The following SPATS2L variants were observed in gnomAD, a reference collection of about 807,000 sequenced individuals.
SPATS2L encodes spermatogenesis associated serine rich 2 like.
SPATS2L carries 30 observed loss-of-function variants against 59.6 expected under a neutral mutation model. That is an observed-to-expected ratio of 0.50 (90% CI 0.38 to 0.68). The LOEUF (loss-of-function observed/expected upper bound fraction) is 0.68. SPATS2L is among the 30% of genes least tolerant of loss of function. The pLI, the probability that SPATS2L is intolerant of heterozygous loss-of-function variation, is 0.00. For synonymous variants in SPATS2L, 252 were observed against 263.5 expected, an observed-to-expected ratio of 0.96 and a Z score of 0.42; for missense variants, 615 against 700.0, an observed-to-expected ratio of 0.88 and a Z score of 1.37.
intron 2 of SPATS2L, among the ~76,000 whole-genome samples, chr2:200,340,897 T>C (rs2080302589): frequency 2.0e-5 from 3 of 152,236 alleles, no homozygotes; most frequent in Admixed American, 2.0e-4. Context: ...GTGTTTTCTT[T>C]TATCATGTAT....
chr2:200,320,654 G>A (rs2079532610), intron 1 of SPATS2L, among the ~76,000 whole-genome samples: 1 of 152,150 alleles, frequency 6.6e-6, no homozygotes. Flanking sequence ...TGATGGCATT[G>A]TGTCACTAAT....
chr2:200,391,972 C>T (rs937312215), intron 3 of SPATS2L, among the ~76,000 whole-genome samples: 3 of 152,100 alleles, frequency 2.0e-5, no homozygotes, highest in East Asian at 1.9e-4. Flanking sequence ...TCTTAAAAAT[C>T]GATGCAAAAT....
intron 3 of SPATS2L, among the ~76,000 whole-genome samples, chr2:200,391,659 C>A (rs1464319556): frequency 6.6e-6 from 1 of 152,154 alleles, no homozygotes; most frequent in Admixed American, 6.5e-5. Context: ...AGCGACTGTG[C>A]TACATATTTT....
At chr2:200,329,394 A>G in intron 1 of SPATS2L, 37 bp from the exon 2 acceptor site, 1 of 1,535,530 alleles carries the variant, frequency 6.5e-7, no homozygotes, top group Admixed American at 2.0e-5. Context: ...TACTAATTTG[A>G]GACCTGCCTG....
rs1345064988 is a variant in SPATS2L at position 200,419,441 on chromosome 2, T to C, written c.390T>C (p.Arg130=). 1.2e-6 allele frequency: 2 copies of C among 1,613,730 alleles called. No homozygotes were observed. Among genetic ancestry groups the C allele is most frequent in the African/African-American group, 1.3e-5 (1 of 74,920 alleles). ...ACGAAAAACCAGCCCTTATCCCTCGTGAGAAAAAGATCTCGATACTTGAGG... is the reference window on the plus strand; with the variant it reads ...ACGAAAAACCAGCCCTTATCCCTCGCGAGAAAAAGATCTCGATACTTGAGG... ...SANEKPALIP[R]EKKISILEEP... is the part of the protein sequence containing the mutation. The change falls in exon 6 of 13, where the codon CGT becomes CGC. Residue 130 remains arginine (R), a synonymous_variant. Transcript: ENST00000409140.
intron 2 of SPATS2L, among the ~76,000 whole-genome samples, chr2:200,348,467 A>G (rs956671507): frequency 3.3e-5 from 5 of 152,204 alleles, no homozygotes; most frequent in Admixed American, 1.3e-4. Context: ...CAGAAGGGCC[A>G]ATCTTGTCAA....
At chr2:200,306,073 G>A (rs181081951), upstream of SPATS2L, 334 of 985,514 alleles carry the variant, frequency 3.4e-4, no homozygotes, top group African/African-American at 5.6e-3. Flanking sequence ...GACCCGCAGC[G>A]CAGAGGAGGC....
In SPATS2L at chr2:200,328,895, T is replaced by A. The variant is rs948318604; in HGVS notation, c.-72-536T>A. Among the ~76,000 whole-genome samples the A allele has an allele frequency of 3.3e-5, 5 of 152,332 alleles. 1 individual carries two copies. Among genetic ancestry groups the A allele is most frequent in the Admixed American group, 1.3e-4 (2 of 15,296 alleles). On this transcript the variant is annotated intron_variant, in intron 1 of 12. Transcript: ENST00000409140. ...AGAGGATTATAACAAGAACAATAGC[T>A]AACATTAAATTGGACAAGATATTTT... is the stretch of plus-strand genomic sequence containing the variant.
chr2:200,305,929 C>G (rs2079001317), upstream of SPATS2L: 1 of 424,792 alleles, frequency 2.4e-6, no homozygotes, highest in Non-Finnish European at 3.1e-6. Context: ...TAAAGTGCTT[C>G]CATCATGAAT....
At chr2:200,475,592 G>A (rs572316759) in intron 12 of SPATS2L, among the ~76,000 whole-genome samples, 4 of 152,290 alleles carry the variant, frequency 2.6e-5, no homozygotes, top group Non-Finnish European at 5.9e-5. Context: ...GGGTGACTTT[G>A]AATAGAATGG....
In SPATS2L at chr2:200,477,908, G is replaced by A. The variant is rs540953425; in HGVS notation, c.1554G>A (p.Ser518=). 26 of 1,612,048 alleles carry A rather than the reference G, an allele frequency of 1.6e-5. No homozygotes were observed. The South Asian group carries it at 1.8e-4, about 11-fold the overall frequency. The part of the protein sequence containing the change: ...PRRRQHAADT[S]EARPFRGSVG... ...GAAGGCAGCACGCTGCAGACACCTC[G>A]GAGGCCAGGCCCTTCCGGGGTAGTG... The change falls in exon 13 of 13, where the codon TCG becomes TCA. Residue 518 remains serine (S), a synonymous_variant. Transcript: ENST00000409140.
intron 3 of SPATS2L, among the ~76,000 whole-genome samples, chr2:200,396,011 G>GGAAA (rs1466614581): frequency 9.4e-5 from 1 of 10,600 alleles, no homozygotes; most frequent in Admixed American, 2.5e-3. Flanking sequence ...ACTCGATCTG[G>GGAAA]AAAAAAAAAA....
intron 6 of SPATS2L, among the ~76,000 whole-genome samples, chr2:200,428,917 A>C (rs2083740035): frequency 6.6e-6 from 1 of 152,048 alleles, no homozygotes; most frequent in African/African-American, 2.4e-5. Context: ...TACCATCCTC[A>C]CTTGCCTGCA....
intron 3 of SPATS2L, among the ~76,000 whole-genome samples, chr2:200,392,214 A>G (rs2082193101): frequency 6.6e-6 from 1 of 152,164 alleles, no homozygotes; most frequent in South Asian, 2.1e-4. Flanking sequence ...AGAGGGTTGG[A>G]ATTTTCAGTC....
intron 1 of SPATS2L, among the ~76,000 whole-genome samples, chr2:200,322,130 T>C (rs2079581631): frequency 6.6e-6 from 1 of 152,198 alleles, no homozygotes; most frequent in Non-Finnish European, 1.5e-5. Flanking sequence ...CGTGTGTGTA[T>C]TCTTATATGT....
At chr2:200,384,080 T>A (rs2081912899) in intron 2 of SPATS2L, 3 of 839,104 alleles carry the variant, frequency 3.6e-6, no homozygotes, top group Non-Finnish European at 4.4e-6. Context: ...AAATATATAT[T>A]TTTAAAACTT....
chr2:200,321,281 C>A (rs950355455), intron 1 of SPATS2L, among the ~76,000 whole-genome samples: 1 of 152,170 alleles, frequency 6.6e-6, no homozygotes, highest in Non-Finnish European at 1.5e-5. Flanking sequence ...TTGGAGATTT[C>A]AGCTCTGGCT....
At chr2:200,464,680 T>C (rs1368973816) in intron 9 of SPATS2L, among the ~76,000 whole-genome samples, 2 of 152,150 alleles carry the variant, frequency 1.3e-5, no homozygotes, top group Admixed American at 1.3e-4. Context: ...GGGTCTTACA[T>C]TGTTGTCCAG....
At chr2:200,393,123 G>A (rs2082221049) in intron 3 of SPATS2L, 1 of 446,540 alleles carries the variant, frequency 2.2e-6, no homozygotes, top group Non-Finnish European at 4.5e-6. Flanking sequence ...TGGGCGCCAT[G>A]GTGCTGATCG....
Sources: allele counts gnomAD v4.1 joint callset (sites outside exome capture counted in the v4.1 genomes callset), GRCh38; gene constraint gnomAD v4.1.1; transcripts MANE v1.5; gene names NCBI Gene and HGNC (gene_info 2026-07-23, HGNC 2026-07-21).